CLEC16A: variants seen among roughly 807,000 people sequenced by gnomAD.
The protein encoded by CLEC16A is C-type lectin domain containing 16A.
Under a neutral mutation model 109.5 loss-of-function variants are expected in CLEC16A, and 51 were observed. That is an observed-to-expected ratio of 0.47 (90% CI 0.37 to 0.59). CLEC16A has a LOEUF of 0.59. CLEC16A is among the 20% of genes least tolerant of loss of function. CLEC16A has a pLI of 0.00. For missense variants in CLEC16A, 1,339 were observed against 1,394.0 expected (o/e 0.96, Z 0.63); for synonymous variants, 673 against 564.2 (o/e 1.19, Z -2.73).
chr16:11,053,919 A>G (rs1410996999), intron 18 of CLEC16A, among the ~76,000 whole-genome samples: 1 of 152,248 alleles, frequency 6.6e-6, no homozygotes, highest in African/African-American at 2.4e-5. Context: ...GTGGGAAGAG[A>G]CAGTGGCAGG....
chr16:11,020,290 C>T lies in CLEC16A; in HGVS notation c.1401C>T (p.Ala467=), dbSNP rs80034801. ...EQNTTDEEKS[A]AATCSESTQW... ...ACACCACGGACGAGGAGAAAAGCGC[C>T]GCCGCCACCTGCTCTGAGAGCACGC... Residue 467 remains alanine (A), a synonymous_variant, in exon 12 of 24, where the codon GCC becomes GCT. Coordinates refer to ENST00000409790, the MANE Select transcript of CLEC16A (RefSeq NM_015226.3). 1,465 of 1,613,236 alleles carry T rather than the reference C, an allele frequency of 9.1e-4. 9 individuals carry two copies. The African/African-American group carries it at 0.017, about 18-fold the overall frequency.
intron 2 of CLEC16A, 27 bp from the exon 3 acceptor site, chr16:10,962,428 A>G (rs768502892): frequency 6.2e-7 from 1 of 1,613,720 alleles, no homozygotes; most frequent in Admixed American, 1.7e-5. Context: ...GAAGCAAGCC[A>G]CTGATGCTTT....
At chr16:11,057,294 G>A (rs1050421051) in intron 18 of CLEC16A, among the ~76,000 whole-genome samples, 3 of 152,246 alleles carry the variant, frequency 2.0e-5, no homozygotes, top group African/African-American at 7.2e-5. Context: ...TGCACATGCA[G>A]CAAGGAAGCA....
chr16:10,983,545 A>G (rs560782159), intron 10 of CLEC16A, among the ~76,000 whole-genome samples: 75 of 152,328 alleles, frequency 4.9e-4, no homozygotes, highest in African/African-American at 1.8e-3. Flanking sequence ...TTAAATGATC[A>G]TCAAGCTTTG....
chr16:11,064,954 G>C (rs949565173), intron 19 of CLEC16A, among the ~76,000 whole-genome samples: 18 of 152,288 alleles, frequency 1.2e-4, no homozygotes, highest in African/African-American at 3.6e-4. Flanking sequence ...ATCCTGCTGG[G>C]CTCCATGGGG....
At chr16:11,162,628 G>T (rs769116317) in intron 22 of CLEC16A, among the ~76,000 whole-genome samples, 3 of 152,132 alleles carry the variant, frequency 2.0e-5, no homozygotes, top group Non-Finnish European at 4.4e-5. Flanking sequence ...GAAACATATG[G>T]GACATGCTTT....
intron 18 of CLEC16A, 22 bp downstream of exon 18, chr16:11,051,663 C>A: frequency 6.2e-7 from 1 of 1,610,614 alleles, no homozygotes; most frequent in South Asian, 1.1e-5. Context: ...CAGGACCTGT[C>A]ATCTCCTGGG....
At chr16:10,957,292 G>C (rs1270231450) in intron 1 of CLEC16A, among the ~76,000 whole-genome samples, 3 of 152,236 alleles carry the variant, frequency 2.0e-5, no homozygotes, top group Non-Finnish European at 4.4e-5. Flanking sequence ...GCCTTCCTAA[G>C]CTGTGGCTCC....
intron 19 of CLEC16A, among the ~76,000 whole-genome samples, chr16:11,086,849 C>CGCTA (rs1815328567): frequency 6.6e-6 from 1 of 152,144 alleles, no homozygotes; most frequent in African/African-American, 2.4e-5. Context: ...TTTAAGTCAG[C>CGCTA]GCTACCCCAT....
chr16:11,026,602 C>T (rs1225889730), intron 13 of CLEC16A, among the ~76,000 whole-genome samples: 1 of 138,460 alleles, frequency 7.2e-6, no homozygotes, highest in African/African-American at 2.7e-5. Flanking sequence ...TATTGTTCTG[C>T]TGTTTTTGAT....
chr16:11,002,881 G>A (rs761566574), intron 10 of CLEC16A, among the ~76,000 whole-genome samples, 193 bp from the exon 11 acceptor site: 1 of 152,060 alleles, frequency 6.6e-6, no homozygotes, highest in Non-Finnish European at 1.5e-5. Context: ...TCTGTTGGTG[G>A]ACACTTAGGC....
intron 19 of CLEC16A, among the ~76,000 whole-genome samples, chr16:11,112,102 C>T (rs919401633): frequency 3.3e-5 from 5 of 152,132 alleles, no homozygotes; most frequent in Non-Finnish European, 4.4e-5. Context: ...TGCCGATGTG[C>T]CATCAGGAAG....
At chr16:11,041,085 T>C (rs896347181) in intron 14 of CLEC16A, 43 of 152,230 alleles carry the variant, frequency 2.8e-4, no homozygotes, top group African/African-American at 1.0e-3. Context: ...GTCAGTCAGT[T>C]ACAGATGCTT....
rs55931734 is a variant in CLEC16A at position 11,117,230 on chromosome 16, GA to G, written c.2117-3378del. ...CTGTTGGGTACTATGCTCAAAAAAA[GA>G]AAAAAATTACTAAAACTCAAACCGT... On this transcript the variant is annotated intron_variant, in intron 19 of 23. Transcript: ENST00000409790. Among the ~76,000 whole-genome samples, 12 of 152,122 alleles carry G rather than the reference GA, an allele frequency of 7.9e-5. No homozygotes were observed. In the South Asian group the frequency reaches 1.9e-3, roughly 24 times the overall value.
At chr16:10,969,488 A>G (rs1466011125) in intron 4 of CLEC16A, among the ~76,000 whole-genome samples, 179 bp downstream of exon 4, 1 of 151,888 alleles carries the variant, frequency 6.6e-6, no homozygotes, top group East Asian at 1.9e-4. Context: ...AATTTTTTTA[A>G]TTAAATAAGT....
At chr16:11,029,464 C>G (rs1455572231) in intron 13 of CLEC16A, among the ~76,000 whole-genome samples, 2 of 152,214 alleles carry the variant, frequency 1.3e-5, no homozygotes, top group African/African-American at 4.8e-5. Flanking sequence ...GAACTCCAGA[C>G]TCTGCCTTCT....
At chr16:11,057,655 A>G (rs1035636813) in intron 18 of CLEC16A, among the ~76,000 whole-genome samples, 4 of 152,214 alleles carry the variant, frequency 2.6e-5, no homozygotes, top group African/African-American at 7.2e-5. Flanking sequence ...CCTTCCTGAT[A>G]TTCTATGGAA....
At chr16:11,137,253 G>A (rs1298739826) in intron 22 of CLEC16A, among the ~76,000 whole-genome samples, 1 of 152,084 alleles carries the variant, frequency 6.6e-6, no homozygotes, top group Non-Finnish European at 1.5e-5. Flanking sequence ...ACAGACAAGT[G>A]ATAGGAGATG....
At chr16:11,111,356 C>A (rs950838794) in intron 19 of CLEC16A, among the ~76,000 whole-genome samples, 5 of 152,192 alleles carry the variant, frequency 3.3e-5, no homozygotes, top group African/African-American at 1.2e-4. Context: ...TGGTTTCTCT[C>A]TGTGGGTGTC....
Sources: gnomAD v4.1 joint callset for allele counts (sites outside exome capture counted in the v4.1 genomes callset) on GRCh38, gnomAD v4.1.1 for gene constraint, MANE v1.5 for transcripts, NCBI Gene and HGNC (gene_info 2026-07-23, HGNC 2026-07-21) for gene names.